AK6: variants seen among roughly 807,000 people sequenced by gnomAD.
AK6 encodes the protein adenylate kinase 6.
AK6 carries 24 observed loss-of-function variants against 23.7 expected under a neutral mutation model. The observed-to-expected ratio is 1.01, with a 90% CI of 0.73 to 1.43. AK6 has a LOEUF of 1.43. Ranked by LOEUF, AK6 falls within the 40% of genes most tolerant of loss-of-function variation. The pLI is 0.00. For synonymous variants in AK6, 73 were observed against 69.8 expected (o/e 1.05, Z -0.23); for missense variants, 191 against 199.1 (o/e 0.96, Z 0.24).
At chr5:69,367,764 C>T (rs1490198005) in intron 1 of AK6, 1 of 152,096 alleles carries the variant, frequency 6.6e-6, no homozygotes, top group East Asian at 2.0e-4. Flanking sequence ...AGGCTAAGCT[C>T]AAACTCCTGA....
Position 69,352,143 on chromosome 5 carries a change from C to G in AK6, c.437G>C (p.Ser146Thr). ...ATTTTCTAGCTCTTCTGGTTTATTACTGGGCAGCTGATGCACGATTTCTTC... is the reference window on the plus strand; with the variant it reads ...ATTTTCTAGCTCTTCTGGTTTATTAGTGGGCAGCTGATGCACGATTTCTTC... ...YKEEIVHQLPSNKPEELENNV... is the reference protein window; with the variant it reads ...YKEEIVHQLPTNKPEELENNV... The change falls in exon 5 of 5, where the codon AGT becomes ACT. Residue 146 changes from serine to threonine, a missense_variant. By Grantham distance (58) the Ser-to-Thr change is moderately conservative. Transcript: ENST00000380822. 6.2e-7 allele frequency: 1 copy of G among 1,613,840 alleles called. No homozygotes were observed.
chr5:69,356,935 A>T (rs1762098062), intron 2 of AK6, among the ~76,000 whole-genome samples: 2 of 152,206 alleles, frequency 1.3e-5, no homozygotes. Flanking sequence ...TTTTCAAAAG[A>T]AGTATTCTTT....
chr5:69,363,460 G>C (rs764217512), intron 2 of AK6, among the ~76,000 whole-genome samples: 4 of 152,224 alleles, frequency 2.6e-5, no homozygotes, highest in Non-Finnish European at 4.4e-5. Context: ...TCAACAGTGA[G>C]GAACAAAACC....
intron 2 of AK6, among the ~76,000 whole-genome samples, chr5:69,358,405 C>CAGCTGCTTG (rs1236737081): frequency 6.6e-6 from 1 of 151,150 alleles, no homozygotes; most frequent in Non-Finnish European, 1.5e-5. Flanking sequence ...CCTGTAATCC[C>CAGCTGCTTG]AGCTGCTTGG....
chr5:69,364,934 A>C (rs1350125803), intron 2 of AK6: 5 of 1,600,476 alleles, frequency 3.1e-6, no homozygotes, highest in Non-Finnish European at 4.3e-6. Flanking sequence ...TACATTCAGC[A>C]AGGCTAGATT....
At chr5:69,355,546 C>T (rs1490494240) in intron 4 of AK6, 103 bp downstream of exon 4, 2 of 1,313,818 alleles carry the variant, frequency 1.5e-6, no homozygotes, top group Admixed American at 5.7e-5. Flanking sequence ...CAAAACAAAA[C>T]AAAACAAAAC....
intron 2 of AK6, among the ~76,000 whole-genome samples, chr5:69,366,091 T>A (rs573741180): frequency 3.3e-5 from 5 of 152,360 alleles, no homozygotes; most frequent in African/African-American, 1.2e-4. Flanking sequence ...TAATCTAAGA[T>A]ACCATAGCAT....
intron 4 of AK6, among the ~76,000 whole-genome samples, chr5:69,352,557 A>G (rs557015542): frequency 6.6e-6 from 1 of 152,364 alleles, no homozygotes; most frequent in East Asian, 1.9e-4. Context: ...TAGTAATAAA[A>G]AGATTTGTAA....
rs1425818480 is a variant in AK6, at chr5:69,361,981, T to C, written c.121+4522A>G. Among the ~76,000 whole-genome samples the C allele has an allele frequency of 1.0e-3, 156 of 150,606 alleles. 1 individual carries two copies. Among genetic ancestry groups the C allele is most frequent in the African/African-American group, 3.6e-3 (150 of 41,124 alleles). ...TAAACTTGATTCCCTTTTTTTTTTT[T>C]TTTTTTTTTGCCTTGGTTTTGGGAG... On this transcript the variant is annotated intron_variant, in intron 2 of 4. Transcript: ENST00000380822.
upstream of AK6, chr5:69,369,806 C>T: frequency 2.5e-6 from 3 of 1,194,926 alleles, no homozygotes; most frequent in Non-Finnish European, 3.5e-6. Context: ...TCTGGAAGGT[C>T]CCCGGGAGGC....
At chr5:69,356,029 C>T in intron 2 of AK6, 76 bp from the exon 3 acceptor site, 2 of 1,264,530 alleles carry the variant, frequency 1.6e-6, no homozygotes, top group Non-Finnish European at 2.2e-6. Flanking sequence ...TTCTAGACTT[C>T]AGGAAAGGAA....
chr5:69,365,782 C>T (rs757047834), intron 2 of AK6: 2 of 1,432,736 alleles, frequency 1.4e-6, no homozygotes, highest in African/African-American at 1.4e-5. Context: ...AAAATATGTA[C>T]ATTAGATCAA....
upstream of AK6, chr5:69,369,815 G>C: frequency 9.0e-7 from 1 of 1,113,402 alleles, no homozygotes; most frequent in African/African-American, 1.6e-5. Context: ...TCCCCGGGAG[G>C]CCGTACCTCC....
intron 2 of AK6, among the ~76,000 whole-genome samples, chr5:69,362,438 CCA>C (rs1762265171): frequency 6.6e-6 from 1 of 152,154 alleles, no homozygotes; most frequent in Admixed American, 6.5e-5. Flanking sequence ...CAGAATATTT[CCA>C]GATATATTCA....
chr5:69,364,919 C>A, intron 2 of AK6: 1 of 1,583,878 alleles, frequency 6.3e-7, no homozygotes, highest in Non-Finnish European at 8.6e-7. Context: ...ACCAAGTATA[C>A]ATGTTACATT....
chr5:69,353,417 C>T (rs917268968), intron 4 of AK6, among the ~76,000 whole-genome samples: 4 of 152,022 alleles, frequency 2.6e-5, no homozygotes, highest in African/African-American at 9.7e-5. Flanking sequence ...CCTGCCTCAG[C>T]CTCCTGAGTA....
chr5:69,366,552 C>G lies in AK6; in HGVS notation c.72G>C (p.Ala24=), dbSNP rs77238909. ...VGKTTLGKEL[A]SKSGLKYINV... is the part of the protein sequence containing the mutation. ...TAATGTATTTCAGTCCTGATTTTGA[C>G]GCAAGTTCTTTGCCTAGTGTGGTTT... is the stretch of plus-strand genomic sequence containing the variant. Residue 24 remains alanine (A), a synonymous_variant, in exon 2 of 5, where the codon GCG becomes GCC. Transcript: ENST00000380822. 6 of 1,613,980 alleles carry G rather than the reference C, an allele frequency of 3.7e-6. No individual in the cohort carries two copies. In the South Asian group the frequency reaches 6.6e-5, roughly 18 times the overall value.
chr5:69,363,501 C>T (rs1365705628), intron 2 of AK6, among the ~76,000 whole-genome samples: 4 of 152,196 alleles, frequency 2.6e-5, no homozygotes, highest in African/African-American at 7.2e-5. Context: ...ACAGAAAGGC[C>T]GGGCTGGGCG....
rs918036432 is a variant in AK6, at chr5:69,365,319, G to A, written c.121+1184C>T. On this transcript the variant is annotated intron_variant, in intron 2 of 4. Coordinates refer to ENST00000380822, the MANE Select transcript of AK6 (RefSeq NM_016283.5). ...TAACCGCGGGACTGTTATTCTTCCC[G>A]CAGAAGTTGATGCCTTTTTCTGTAA... 8.1e-6 allele frequency: 13 copies of A among 1,614,074 alleles called. No individual in the cohort carries two copies. Among genetic ancestry groups the A allele is most frequent in the African/African-American group, 1.3e-5 (1 of 74,928 alleles).
Sources: gnomAD v4.1 joint callset for allele counts (sites outside exome capture counted in the v4.1 genomes callset) on GRCh38, gnomAD v4.1.1 for gene constraint, MANE v1.5 for transcripts, NCBI Gene and HGNC (gene_info 2026-07-23, HGNC 2026-07-21) for gene names.